Variants in ITGA8 observed in about 807,000 individuals in gnomAD.
The protein encoded by ITGA8 is integrin alpha-8.
In ITGA8, 91 loss-of-function variants were observed where a neutral mutation model predicts 142.3. The ratio of observed to expected loss-of-function variants is 0.64; its 90% confidence interval spans 0.54 to 0.76. ITGA8 has a LOEUF of 0.76. ITGA8 is among the 30% of genes least tolerant of loss of function. The pLI is 0.00. For missense variants in ITGA8, 1,406 were observed against 1,327.7 expected, an observed-to-expected ratio of 1.06 and a Z score of -0.92; for synonymous variants, 505 against 485.2, an observed-to-expected ratio of 1.04 and a Z score of -0.54.
At chr10:15,651,226 A>C (rs187537045) in intron 11 of ITGA8, among the ~76,000 whole-genome samples, 55 of 152,298 alleles carry the variant, frequency 3.6e-4, no homozygotes, top group Non-Finnish European at 2.8e-4. Flanking sequence ...TTGTTTAGGC[A>C]CGAGATGAAA....
chr10:15,575,450 A>G (rs1790892686), intron 24 of ITGA8, 39 bp downstream of exon 24: 3 of 1,357,334 alleles, frequency 2.2e-6, no homozygotes, highest in Non-Finnish European at 3.2e-6. Flanking sequence ...GAGCTTAAGA[A>G]TAAACCCCTA....
intron 8 of ITGA8, among the ~76,000 whole-genome samples, chr10:15,671,310 A>T (rs1834512405): frequency 6.6e-6 from 1 of 152,200 alleles, no homozygotes; most frequent in Non-Finnish European, 1.5e-5. Context: ...TTGATCTGTC[A>T]CTAACAGTAT....
At chr10:15,700,633 C>A (rs1448903037) in intron 2 of ITGA8, among the ~76,000 whole-genome samples, 1 of 152,106 alleles carries the variant, frequency 6.6e-6, no homozygotes, top group Non-Finnish European at 1.5e-5. Context: ...AACAGAAAAC[C>A]CACAGAGCGG....
At chr10:15,601,097 G>T (rs997857209) in intron 20 of ITGA8, among the ~76,000 whole-genome samples, 9 of 152,072 alleles carry the variant, frequency 5.9e-5, no homozygotes, top group Non-Finnish European at 1.0e-4. Context: ...AAATTAGTCA[G>T]GCGTGGTGGT....
chr10:15,689,431 G>A (rs1013287838), intron 2 of ITGA8, among the ~76,000 whole-genome samples: 1 of 152,152 alleles, frequency 6.6e-6, no homozygotes, highest in Non-Finnish European at 1.5e-5. Flanking sequence ...TCCTAAGCCA[G>A]GATGAACTCA....
At chr10:15,639,868 G>T (rs1410160336) in intron 13 of ITGA8, among the ~76,000 whole-genome samples, 1 of 152,194 alleles carries the variant, frequency 6.6e-6, no homozygotes, top group Non-Finnish European at 1.5e-5. Flanking sequence ...GCGAACCCCT[G>T]TTTATAAAGG....
chr10:15,703,813 C>G (rs540410766), intron 2 of ITGA8, among the ~76,000 whole-genome samples: 1 of 152,138 alleles, frequency 6.6e-6, no homozygotes, highest in African/African-American at 2.4e-5. Flanking sequence ...TCAGCTCCAA[C>G]CTTTTATGTT....
rs755923570 is a variant in ITGA8 at position 15,719,595 on chromosome 10, G to A, written c.177C>T (p.Tyr59=). The change falls in exon 1 of 30, where the codon TAC becomes TAT. Residue 59 remains tyrosine (Y), a synonymous_variant. Coordinates refer to ENST00000378076, the MANE Select transcript of ITGA8 (RefSeq NM_003638.3). ...YSGPKGSYFG[Y]AVDFHIPDAR... is the part of the protein sequence containing the mutation. ...CGTCGGGTATGTGGAAGTCCACGGC[G>A]TAGCCGAAGTAGCTGCCCTTGGGGC... The A allele has an allele frequency of 3.8e-6, 6 of 1,560,870 alleles. No homozygotes were observed. The highest frequency in any genetic ancestry group is 2.5e-5 in the East Asian group (1 of 39,640).
chr10:15,638,972 T>C (rs566782111), intron 13 of ITGA8, among the ~76,000 whole-genome samples: 1 of 151,478 alleles, frequency 6.6e-6, no homozygotes, highest in East Asian at 1.9e-4. Flanking sequence ...ACAAAAAAAA[T>C]CAAAAAATTA....
chr10:15,649,636 G>C (rs1357628625), intron 11 of ITGA8, among the ~76,000 whole-genome samples: 1 of 146,160 alleles, frequency 6.8e-6, no homozygotes, highest in Non-Finnish European at 1.5e-5. Flanking sequence ...AAAAAAAATT[G>C]GGCAAAGATT....
At chr10:15,639,124 T>C (rs957972712) in intron 13 of ITGA8, among the ~76,000 whole-genome samples, 1 of 151,014 alleles carries the variant, frequency 6.6e-6, no homozygotes, top group African/African-American at 2.4e-5. Context: ...CACAAGTTCC[T>C]ATCTCTTAAA....
intron 20 of ITGA8, among the ~76,000 whole-genome samples, chr10:15,598,976 G>C (rs1213850169): frequency 6.6e-6 from 1 of 152,006 alleles, no homozygotes; most frequent in Admixed American, 6.5e-5. Context: ...GCTTTGTGTT[G>C]GGATTATTAA....
At chr10:15,646,576 T>C (rs1833984576) in intron 12 of ITGA8, among the ~76,000 whole-genome samples, 1 of 152,210 alleles carries the variant, frequency 6.6e-6, no homozygotes, top group Admixed American at 6.5e-5. Flanking sequence ...AAACAAATTA[T>C]GTTACAGATT....
At chr10:15,549,783 C>G (rs537786091) in intron 26 of ITGA8, among the ~76,000 whole-genome samples, 4 of 152,192 alleles carry the variant, frequency 2.6e-5, no homozygotes, top group African/African-American at 9.6e-5. Flanking sequence ...CAGAATAATC[C>G]AAGGAACATA....
chr10:15,668,024 G>T (rs1309058233), intron 8 of ITGA8, among the ~76,000 whole-genome samples: 1 of 152,212 alleles, frequency 6.6e-6, no homozygotes, highest in East Asian at 1.9e-4. Flanking sequence ...TTCTGTAGAT[G>T]TCTATTAGGT....
At chr10:15,571,557 T>A (rs1834183759) in intron 25 of ITGA8, among the ~76,000 whole-genome samples, 1 of 152,216 alleles carries the variant, frequency 6.6e-6, no homozygotes, top group Non-Finnish European at 1.5e-5. Context: ...TCCTTACTCC[T>A]TGTTTGTGAA....
At chr10:15,626,220 CTTTCT>C (rs767836477) in intron 13 of ITGA8, among the ~76,000 whole-genome samples, 33 of 152,196 alleles carry the variant, frequency 2.2e-4, no homozygotes, top group East Asian at 3.9e-4. Context: ...GAGAGATGTT[CTTTCT>C]TTTCTTTTCT....
intron 11 of ITGA8, among the ~76,000 whole-genome samples, chr10:15,653,194 T>C (rs1171497047): frequency 1.3e-5 from 2 of 152,150 alleles, no homozygotes; most frequent in Non-Finnish European, 2.9e-5. Context: ...TCCCTCCCTC[T>C]TAGATCACCA....
At chr10:15,525,566 C>A (rs919375963) in intron 28 of ITGA8, among the ~76,000 whole-genome samples, 1 of 129,820 alleles carries the variant, frequency 7.7e-6, no homozygotes, top group African/African-American at 2.8e-5. Flanking sequence ...CACTTGAACC[C>A]GGGAGGCGGA....
Sources: gnomAD v4.1 joint callset for allele counts (sites outside exome capture counted in the v4.1 genomes callset) on GRCh38, gnomAD v4.1.1 for gene constraint, MANE v1.5 for transcripts, NCBI Gene and HGNC (gene_info 2026-07-23, HGNC 2026-07-21) for gene names.